Variants in PSORS1C1 observed in about 807,000 individuals in gnomAD.
The protein encoded by PSORS1C1 is psoriasis susceptibility 1 candidate 1.
A neutral mutation model predicts 9.4 loss-of-function variants in PSORS1C1; 7 were observed. The ratio of observed to expected loss-of-function variants is 0.75; its 90% CI spans 0.42 to 1.40. The LOEUF (loss-of-function observed/expected upper bound fraction) is 1.40, where lower values mean the gene tolerates loss of function less well. Among genes scored for constraint, PSORS1C1 ranks in the 40% most tolerant of loss-of-function variants. The probability of loss-of-function intolerance (pLI) is 0.01; values close to 1 mark genes in which losing one functional copy is unlikely to be tolerated. For missense variants in PSORS1C1, 146 were observed against 178.1 expected, an observed-to-expected ratio of 0.82 and a Z score of 1.02; for synonymous variants, 63 against 69.4, an observed-to-expected ratio of 0.91 and a Z score of 0.46.
At chr6:31,117,062 C>T (rs560607707) in intron 1 of PSORS1C1, 6 of 1,614,208 alleles carry the variant, frequency 3.7e-6, no homozygotes, top group African/African-American at 2.7e-5. Context: ...TTTAGTATTC[C>T]GCGGTAAGAG....
At chr6:31,123,959 G>A (rs1366998089) in intron 1 of PSORS1C1, among the ~76,000 whole-genome samples, 2 of 152,200 alleles carry the variant, frequency 1.3e-5, no homozygotes, top group Non-Finnish European at 2.9e-5. Flanking sequence ...GAAGCACAGA[G>A]CAGGCAGCCA....
intron 3 of PSORS1C1, among the ~76,000 whole-genome samples, chr6:31,133,099 G>A (rs1772990221): frequency 6.6e-6 from 1 of 152,154 alleles, no homozygotes; most frequent in South Asian, 2.1e-4. Context: ...CCCGGCAGAG[G>A]CATAGGCGGG....
chr6:31,137,533 A>G (rs1265100), intron 3 of PSORS1C1: 31,752 of 192,676 alleles, frequency 0.16, 2,804 homozygotes, highest in East Asian at 0.34. Context: ...TAGATTCAGA[A>G]TTAAGAAAAC....
intron 3 of PSORS1C1, among the ~76,000 whole-genome samples, chr6:31,137,298 A>G (rs1265541213): frequency 7.1e-6 from 1 of 141,622 alleles, no homozygotes; most frequent in Non-Finnish European, 1.6e-5. Flanking sequence ...CTACTAAAAA[A>G]TACAAAAAAT....
At position 31,125,280 on chromosome 6, in the gene PSORS1C1, C is replaced by CGAGAGG. The variant is rs570809888; in HGVS notation, c.-228-395_-228-390dup. The stretch of plus-strand genomic sequence containing the variant: ...TTTGTTCCTCTCTGCTTGGCTCCAG[C>CGAGAGG]GAGAGGCCGTTTCCTCTCCTCTCTC... On this transcript the variant is annotated intron_variant, in intron 1 of 5. Transcript: ENST00000259881. Among the ~76,000 whole-genome samples, 193 of 152,172 alleles carry CGAGAGG rather than the reference C, an allele frequency of 1.3e-3. 3 individuals carry two copies. The East Asian group carries it at 0.025, about 19-fold the overall frequency.
In PSORS1C1 at chr6:31,140,080, C is replaced by A. The variant is rs371908936; in HGVS notation, c.*148C>A. On this transcript the variant is annotated 3_prime_UTR_variant, in exon 6 of 6. Coordinates refer to ENST00000259881, the MANE Select transcript of PSORS1C1 (RefSeq NM_014068.3). The surrounding 1 kb of genome is among the most constrained non-coding windows in gnomAD (Gnocchi z 4.6). Reference sequence around the variant, plus strand: ...GTCCGCTACCCCACAGTAAGGAACACCTTATTATGCAATGGCGTGATCTCA... The same window carrying A: ...GTCCGCTACCCCACAGTAAGGAACAACTTATTATGCAATGGCGTGATCTCA... 35 of 728,068 alleles carry A rather than the reference C, an allele frequency of 4.8e-5. No individual in the cohort carries two copies. In the African/African-American group the frequency reaches 5.8e-4, roughly 12 times the overall value. The allele number at this position is 728,068 out of a possible 1,614,324, so 45.1% of individuals were successfully genotyped here.
intron 2 of PSORS1C1, 125 bp from the exon 3 acceptor site, chr6:31,129,444 C>A: frequency 1.6e-6 from 1 of 622,602 alleles, no homozygotes. Context: ...CACTCAGTCT[C>A]CTCCCCAGCT....
chr6:31,124,770 A>G (rs3094202), intron 1 of PSORS1C1, among the ~76,000 whole-genome samples: 78,237 of 151,732 alleles, frequency 0.52, 21,314 homozygotes, highest in African/African-American at 0.7. Context: ...AGGAATTTGA[A>G]ACCAGCCTGG....
rs1431323095 is a variant in PSORS1C1, at chr6:31,139,409, C to T, written c.168-232C>T. ...GAAGCCAAAGAATGGGAGCAAACCA[C>T]GCGATGGGCGTTGGGAAGCACCGTA... On this transcript the variant is annotated intron_variant, in intron 5 of 5. Coordinates refer to ENST00000259881, the MANE Select transcript of PSORS1C1 (RefSeq NM_014068.3). This position sits in a 1 kb window ranked among gnomAD's most constrained non-coding sequence, Gnocchi z 5.2. The T allele has an allele frequency of 6.7e-6, 4 of 596,124 alleles. No individual in the cohort carries two copies. In the East Asian group the frequency reaches 8.3e-5, roughly 12 times the overall value. The allele number at this position is 596,124 out of a possible 1,614,324, so 36.9% of individuals were successfully genotyped here. A position where few individuals can be genotyped will look rare whatever the true frequency, so the allele number is the denominator to read the frequency against.
chr6:31,133,093 G>C (rs375479240), intron 3 of PSORS1C1, among the ~76,000 whole-genome samples: 1 of 152,254 alleles, frequency 6.6e-6, no homozygotes, highest in African/African-American at 2.4e-5. Context: ...AAAGGTCCCG[G>C]CAGAGGCATA....
intron 1 of PSORS1C1, among the ~76,000 whole-genome samples, chr6:31,124,347 G>A (rs3778638): frequency 0.17 from 25,856 of 152,068 alleles, 2,312 homozygotes; most frequent in South Asian, 0.19. Flanking sequence ...AGGCGGACAC[G>A]GTGCCTGGGT....
At chr6:31,117,721 CTTTG>C (rs1772244271) in intron 1 of PSORS1C1, 1 of 609,620 alleles carries the variant, frequency 1.6e-6, no homozygotes, top group African/African-American at 1.8e-5. Context: ...AAAGGCATTT[CTTTG>C]TTTGGGAAGG....
intron 1 of PSORS1C1, among the ~76,000 whole-genome samples, chr6:31,121,299 C>T (rs1047959802): frequency 2.6e-5 from 4 of 152,136 alleles, no homozygotes; most frequent in Non-Finnish European, 5.9e-5. Context: ...ACCCAGACCT[C>T]AAGGGTGAGC....
At position 31,121,167 on chromosome 6, in the gene PSORS1C1, C is replaced by T. The variant is rs115924418; in HGVS notation, c.-228-4509C>T. Among the ~76,000 whole-genome samples, 305 of 71,146 alleles carry T rather than the reference C, an allele frequency of 4.3e-3. 1 individual carries two copies. The highest frequency in any genetic ancestry group is 0.02 in the African/African-American group (295 of 14,926). The allele number at this position is 71,146 out of a possible 152,430, so 46.7% of individuals were successfully genotyped here. A position where few individuals can be genotyped will look rare whatever the true frequency, so the allele number is the denominator to read the frequency against. ...GGGGCCTCTGGGGACGGCATGGTGG[C>T]GGGGGTGGGGGGGTGCTGGGAGCCA... On this transcript the variant is annotated intron_variant, in intron 1 of 5. Coordinates refer to ENST00000259881, the MANE Select transcript of PSORS1C1 (RefSeq NM_014068.3).
chr6:31,135,573 C>T (rs894477472), intron 3 of PSORS1C1, among the ~76,000 whole-genome samples: 4 of 152,152 alleles, frequency 2.6e-5, no homozygotes, highest in African/African-American at 7.2e-5. Context: ...GGAGACTGCA[C>T]GTCACTCTAA....
intron 2 of PSORS1C1, among the ~76,000 whole-genome samples, chr6:31,127,793 G>A (rs1287545887): frequency 4.0e-5 from 6 of 151,682 alleles, no homozygotes; most frequent in South Asian, 2.1e-4. Flanking sequence ...CAGCCTGGGC[G>A]ACAAGAGCGA....
chr6:31,117,186 G>T (rs1772194872), intron 1 of PSORS1C1: 1 of 1,611,748 alleles, frequency 6.2e-7, no homozygotes, highest in African/African-American at 1.3e-5. Flanking sequence ...GAGAGCCGCT[G>T]TTTCCCGAGT....
Position 31,115,852 on chromosome 6 carries a change from G to A in PSORS1C1, c.-229+961G>A. On this transcript the variant is annotated intron_variant, in intron 1 of 5. Coordinates refer to ENST00000259881, the MANE Select transcript of PSORS1C1 (RefSeq NM_014068.3). This position sits in a 1 kb window ranked among gnomAD's most constrained non-coding sequence, Gnocchi z 4.2. Reference sequence around the variant, plus strand: ...CATTTTGAGAAGAGGAAGGAGGAAGGGGTGATAAGAGAGAGTCTGCAACCT... The same window carrying A: ...CATTTTGAGAAGAGGAAGGAGGAAGAGGTGATAAGAGAGAGTCTGCAACCT... The A allele has an allele frequency of 3.3e-6, 2 of 607,564 alleles. No individual in the cohort carries two copies. Among genetic ancestry groups the A allele is most frequent in the East Asian group, 2.8e-5 (1 of 36,252 alleles). 37.6% of individuals were successfully genotyped at this position (607,564 alleles called of 1,614,324 possible).
At chr6:31,119,620 C>T (rs1054053200) in intron 1 of PSORS1C1, among the ~76,000 whole-genome samples, 4 of 152,252 alleles carry the variant, frequency 2.6e-5, no homozygotes, top group Non-Finnish European at 4.4e-5. Flanking sequence ...TAATATAGGC[C>T]GGGTGTGGTG....
Sources: gnomAD v4.1 joint callset for allele counts (sites outside exome capture counted in the v4.1 genomes callset) on GRCh38, gnomAD v4.1.1 for gene constraint, Gnocchi (gnomAD v3.1) non-coding constraint, MANE v1.5 for transcripts, NCBI Gene and HGNC (gene_info 2026-07-23, HGNC 2026-07-21) for gene names.